Variants in LRRTM4 observed in about 807,000 individuals in gnomAD.
The protein encoded by LRRTM4 is leucine-rich repeat transmembrane neuronal protein 4.
LRRTM4 carries 25 observed loss-of-function variants against 47.6 expected under a neutral mutation model. The observed-to-expected ratio is 0.53, with a 90% CI of 0.38 to 0.73. The LOEUF (loss-of-function observed/expected upper bound fraction) is 0.73. LRRTM4 is among the 30% of genes least tolerant of loss of function. The pLI is 0.00. For missense variants in LRRTM4, 638 were observed against 713.4 expected, an observed-to-expected ratio of 0.89 and a Z score of 1.20; for synonymous variants, 311 against 269.5, an observed-to-expected ratio of 1.15 and a Z score of -1.51.
At chr2:76,908,950 A>C (rs1190261554) in intron 3 of LRRTM4, among the ~76,000 whole-genome samples, 4 of 152,202 alleles carry the variant, frequency 2.6e-5, no homozygotes, top group African/African-American at 4.8e-5. Flanking sequence ...TGCCATCCCC[A>C]TCAAGCTACC....
intron 3 of LRRTM4, among the ~76,000 whole-genome samples, chr2:76,767,651 TG>T (rs1360602278): frequency 6.6e-6 from 1 of 152,128 alleles, no homozygotes; most frequent in Non-Finnish European, 1.5e-5. Flanking sequence ...CAAGTCTTGA[TG>T]GCAATCCATG....
intron 3 of LRRTM4, among the ~76,000 whole-genome samples, chr2:77,097,539 G>C (rs1670843445): frequency 1.3e-5 from 2 of 151,776 alleles, no homozygotes; most frequent in Non-Finnish European, 2.9e-5. Flanking sequence ...TAAATAGAAA[G>C]AAATAACAAA....
chr2:77,179,598 G>A (rs1014174371), intron 3 of LRRTM4, among the ~76,000 whole-genome samples: 28 of 151,994 alleles, frequency 1.8e-4, no homozygotes, highest in Admixed American at 3.3e-4. Flanking sequence ...TTTAATGTTC[G>A]ATTTTCCACT....
At chr2:77,095,787 A>G (rs1558578039) in intron 3 of LRRTM4, among the ~76,000 whole-genome samples, 1 of 152,188 alleles carries the variant, frequency 6.6e-6, no homozygotes, top group Non-Finnish European at 1.5e-5. Context: ...TGCTGGGATT[A>G]TAGGTGTAAG....
intron 3 of LRRTM4, among the ~76,000 whole-genome samples, chr2:77,449,235 A>T (rs1023035846): frequency 6.6e-6 from 1 of 152,206 alleles, no homozygotes; most frequent in African/African-American, 2.4e-5. Context: ...TCCAAACAAC[A>T]TATAAATCTA....
At chr2:77,224,435 G>A (rs1210831684) in intron 3 of LRRTM4, among the ~76,000 whole-genome samples, 3 of 152,078 alleles carry the variant, frequency 2.0e-5, no homozygotes, top group Non-Finnish European at 2.9e-5. Flanking sequence ...CCTACAGAAC[G>A]GGAGAAAATT....
At chr2:76,848,491 A>T (rs1671899141) in intron 3 of LRRTM4, among the ~76,000 whole-genome samples, 2 of 152,072 alleles carry the variant, frequency 1.3e-5, no homozygotes, top group South Asian at 4.1e-4. Flanking sequence ...GACATTTTTC[A>T]AATTCGTACT....
intron 3 of LRRTM4, chr2:77,518,074 A>G (rs1679289456): frequency 2.4e-6 from 3 of 1,249,276 alleles, no homozygotes; most frequent in African/African-American, 1.5e-5. Context: ...ATGTTTTAAC[A>G]TAGTGCTTTA....
chr2:76,829,954 C>T (rs1186757042), intron 3 of LRRTM4, among the ~76,000 whole-genome samples: 1 of 151,944 alleles, frequency 6.6e-6, no homozygotes, highest in Non-Finnish European at 1.5e-5. Flanking sequence ...TTTTCTTTGG[C>T]AGTATTCCAC....
At chr2:77,024,298 G>C (rs1290880267) in intron 3 of LRRTM4, among the ~76,000 whole-genome samples, 1 of 152,062 alleles carries the variant, frequency 6.6e-6, no homozygotes, top group Non-Finnish European at 1.5e-5. Context: ...CTATAAGTTT[G>C]ACTTTTTAGA....
intron 3 of LRRTM4, among the ~76,000 whole-genome samples, chr2:77,073,574 G>A (rs1325517837): frequency 6.6e-6 from 1 of 151,978 alleles, no homozygotes; most frequent in Non-Finnish European, 1.5e-5. Flanking sequence ...ATGAATCTTA[G>A]AGAATGTGCA....
chr2:77,379,597 C>G (rs1483478955), intron 3 of LRRTM4, among the ~76,000 whole-genome samples: 4 of 151,950 alleles, frequency 2.6e-5, no homozygotes, highest in Admixed American at 2.6e-4. Context: ...CTATCGATAT[C>G]TTTGTTAATT....
chr2:76,786,902 G>T (rs1383643536), intron 3 of LRRTM4, among the ~76,000 whole-genome samples: 1 of 151,994 alleles, frequency 6.6e-6, no homozygotes, highest in Non-Finnish European at 1.5e-5. Context: ...CCCCAAGTCA[G>T]CAAGTTTTTG....
chr2:77,124,327 C>T (rs1031720131), intron 3 of LRRTM4, among the ~76,000 whole-genome samples: 2 of 152,032 alleles, frequency 1.3e-5, no homozygotes, highest in African/African-American at 4.8e-5. Flanking sequence ...AAGTTAAATA[C>T]ACACAGGACA....
chr2:76,839,877 G>C (rs1292307594), intron 3 of LRRTM4, among the ~76,000 whole-genome samples: 1 of 151,932 alleles, frequency 6.6e-6, no homozygotes, highest in Non-Finnish European at 1.5e-5. Context: ...AGAATATAAA[G>C]GCCAGTGTCT....
At chr2:77,016,982 A>G (rs1172859941) in intron 3 of LRRTM4, among the ~76,000 whole-genome samples, 1 of 152,118 alleles carries the variant, frequency 6.6e-6, no homozygotes, top group Non-Finnish European at 1.5e-5. Context: ...CATAGTAGCA[A>G]GCTGTGAATA....
At chr2:76,937,671 C>T (rs1399543505) in intron 3 of LRRTM4, among the ~76,000 whole-genome samples, 2 of 152,158 alleles carry the variant, frequency 1.3e-5, no homozygotes, top group African/African-American at 4.8e-5. Flanking sequence ...CGTGGGCAAG[C>T]GATTCCCCTG....
At chr2:76,951,668 G>C (rs1184962262) in intron 3 of LRRTM4, among the ~76,000 whole-genome samples, 1 of 151,932 alleles carries the variant, frequency 6.6e-6, no homozygotes, top group Non-Finnish European at 1.5e-5. Flanking sequence ...AGAACATGCA[G>C]GTTTGTTACA....
intron 3 of LRRTM4, among the ~76,000 whole-genome samples, chr2:76,912,806 C>A (rs1460163170): frequency 6.6e-6 from 1 of 152,124 alleles, no homozygotes; most frequent in Admixed American, 6.6e-5. Flanking sequence ...TGTGGCACCT[C>A]CCCCACTCTC....
Sources: allele counts gnomAD v4.1 joint callset (sites outside exome capture counted in the v4.1 genomes callset), GRCh38; gene constraint gnomAD v4.1.1; transcripts MANE v1.5; gene names NCBI Gene and HGNC (gene_info 2026-07-23, HGNC 2026-07-21).